Variants in TBCE observed in about 807,000 individuals in gnomAD.
The protein encoded by TBCE is tubulin-specific chaperone E.
In TBCE, 53 loss-of-function variants were observed where a neutral mutation model predicts 77.0. That is an observed-to-expected ratio of 0.69 (90% CI 0.55 to 0.87). The LOEUF is 0.87. Among genes scored for constraint, TBCE ranks in the 40% least tolerant of loss-of-function variants. The pLI is 0.00. For synonymous variants in TBCE, 235 were observed against 241.3 expected (o/e 0.97, Z 0.24); for missense variants, 624 against 622.4 (o/e 1.00, Z -0.03).
In TBCE at chr1:235,394,239, T is replaced by C. The variant is rs145710331; in HGVS notation, c.101-7264T>C. ...ACAGGCGCCCACCACTACGCCCAGC[T>C]ACTTTTTTGTATATTTAGTAGAGAC... is the stretch of plus-strand genomic sequence containing the variant. On this transcript the variant is annotated intron_variant, in intron 2 of 16. Transcript: ENST00000642610. 3.5e-3 allele frequency among the ~76,000 whole-genome samples: 532 copies of C among 151,944 alleles called. 4 individuals are homozygous for C. The highest frequency in any genetic ancestry group is 0.012 in the African/African-American group (517 of 41,466).
intron 2 of TBCE, among the ~76,000 whole-genome samples, chr1:235,391,362 G>A (rs1320952943): frequency 2.0e-5 from 3 of 151,286 alleles, no homozygotes; most frequent in African/African-American, 7.3e-5. Context: ...GTGGGTGCCT[G>A]TAATCCCAGC....
At chr1:235,385,684 A>G (rs1345389111) in intron 2 of TBCE, among the ~76,000 whole-genome samples, 3 of 151,868 alleles carry the variant, frequency 2.0e-5, no homozygotes, top group African/African-American at 4.8e-5. Flanking sequence ...ATCTTCCTCT[A>G]TCTTTTTATT....
In TBCE at chr1:235,450,196, C is replaced by G; in HGVS notation, c.*1434C>G. The stretch of plus-strand genomic sequence containing the variant: ...GCCCTGATTTTAGACTCTGCTAATT[C>G]AAGTCCCTGTTATCTTGCTTGACAT... On this transcript the variant is annotated 3_prime_UTR_variant, in exon 17 of 17. Transcript: ENST00000642610. 1 of 1,614,102 alleles carries G rather than the reference C, an allele frequency of 6.2e-7. No individual in the cohort carries two copies. Among genetic ancestry groups the G allele is most frequent in the African/African-American group, 1.3e-5 (1 of 75,054 alleles).
chr1:235,395,882 C>A (rs1024224456), intron 2 of TBCE, among the ~76,000 whole-genome samples: 1 of 151,798 alleles, frequency 6.6e-6, no homozygotes. Flanking sequence ...CAATTATTTT[C>A]ATTTTTTTAG....
intron 5 of TBCE, among the ~76,000 whole-genome samples, chr1:235,426,894 C>T (rs1381312196): frequency 6.6e-6 from 1 of 152,226 alleles, no homozygotes; most frequent in African/African-American, 2.4e-5. Context: ...ATTCCCCCGA[C>T]CTTGGCATCC....
chr1:235,376,172 A>G (rs1381161041), intron 1 of TBCE, among the ~76,000 whole-genome samples: 1 of 152,158 alleles, frequency 6.6e-6, no homozygotes, highest in Non-Finnish European at 1.5e-5. Flanking sequence ...GAAAAAAAAA[A>G]TTGTTACTGG....
chr1:235,432,890 TATATA>T (rs979918068), intron 7 of TBCE: 19 of 649,774 alleles, frequency 2.9e-5, no homozygotes, highest in South Asian at 6.5e-5. Context: ...TATACATAAT[TATATA>T]ATATATAATA....
chr1:235,391,463 C>A (rs1488632826), intron 2 of TBCE, among the ~76,000 whole-genome samples: 2 of 149,970 alleles, frequency 1.3e-5, no homozygotes, highest in South Asian at 2.1e-4. Context: ...CCAGCCTGGG[C>A]CACAAAGACT....
chr1:235,404,617 T>C (rs1458358278), intron 3 of TBCE, among the ~76,000 whole-genome samples: 1 of 152,114 alleles, frequency 6.6e-6, no homozygotes, highest in Non-Finnish European at 1.5e-5. Context: ...TTTTTCTTTC[T>C]TTAATAATAA....
intron 15 of TBCE, among the ~76,000 whole-genome samples, chr1:235,446,659 G>A (rs1682337466): frequency 6.7e-6 from 1 of 150,090 alleles, no homozygotes; most frequent in African/African-American, 2.4e-5. Flanking sequence ...CATAGAGATT[G>A]CTACTTTCTT....
At chr1:235,383,161 TTCCATTGA>T (rs1247081577) in intron 2 of TBCE, among the ~76,000 whole-genome samples, 1 of 148,170 alleles carries the variant, frequency 6.7e-6, no homozygotes, top group Non-Finnish European at 1.5e-5. Context: ...CTCTGTTCTG[TTCCATTGA>T]TCTATATCTC....
At chr1:235,444,212 T>A (rs570563869) in intron 15 of TBCE, among the ~76,000 whole-genome samples, 1 of 152,322 alleles carries the variant, frequency 6.6e-6, no homozygotes, top group African/African-American at 2.4e-5. Context: ...CCATTTAATT[T>A]ACCACAACGT....
rs111526622 is a variant in TBCE, at chr1:235,393,468, G to T, written c.101-8035G>T. Among the ~76,000 whole-genome samples the T allele has an allele frequency of 3.0e-3, 460 of 152,294 alleles. 1 individual carries two copies. The highest frequency in any genetic ancestry group is 6.8e-3 in the Middle Eastern group (2 of 294). ...CAGGAGAATCGCTTGAACCCAGGAG[G>T]TGGAGGTTGCGGTGAGCCGAGATGG... On this transcript the variant is annotated intron_variant, in intron 2 of 16. Transcript: ENST00000642610.
intron 9 of TBCE, 60 bp from the exon 10 acceptor site, chr1:235,436,326 T>C: frequency 6.5e-7 from 1 of 1,527,878 alleles, no homozygotes; most frequent in East Asian, 2.2e-5. Flanking sequence ...CGAGTCTGGT[T>C]GATACCCCAT....
At chr1:235,394,909 C>T (rs934480833) in intron 2 of TBCE, among the ~76,000 whole-genome samples, 2 of 151,876 alleles carry the variant, frequency 1.3e-5, no homozygotes, top group African/African-American at 2.4e-5. Context: ...CTTCCTATGG[C>T]GCCCAGACTG....
At chr1:235,377,250 G>A (rs900970231) in intron 1 of TBCE, among the ~76,000 whole-genome samples, 2 of 152,212 alleles carry the variant, frequency 1.3e-5, no homozygotes, top group Admixed American at 1.3e-4. Flanking sequence ...CACGATCTTG[G>A]CTCACTGCAA....
intron 5 of TBCE, among the ~76,000 whole-genome samples, chr1:235,425,118 GTC>G (rs915857287): frequency 3.6e-4 from 55 of 152,260 alleles, no homozygotes; most frequent in African/African-American, 1.0e-3. Context: ...TTCCACATCT[GTC>G]TCTCCAGCTG....
At chr1:235,411,597 G>A (rs1192011178) in intron 3 of TBCE, among the ~76,000 whole-genome samples, 1 of 152,114 alleles carries the variant, frequency 6.6e-6, no homozygotes, top group East Asian at 1.9e-4. Flanking sequence ...TATTAAGAAA[G>A]TAAAGGAATA....
At chr1:235,441,991 T>A in intron 14 of TBCE, 109 bp downstream of exon 14, 1 of 972,852 alleles carries the variant, frequency 1.0e-6, no homozygotes, top group Non-Finnish European at 1.5e-6. Flanking sequence ...AGTAAATGCC[T>A]TGAGTTTTAA....
Sources: gnomAD v4.1 joint callset for allele counts (sites outside exome capture counted in the v4.1 genomes callset) on GRCh38, gnomAD v4.1.1 for gene constraint, MANE v1.5 for transcripts, NCBI Gene and HGNC (gene_info 2026-07-23, HGNC 2026-07-21) for gene names.